Variants in ARHGAP28 observed in about 807,000 individuals in gnomAD.
ARHGAP28 encodes the protein Rho GTPase activating protein 28.
ARHGAP28 carries 56 observed loss-of-function variants against 90.7 expected under a neutral mutation model. The ratio of observed to expected loss-of-function variants is 0.62; its 90% CI spans 0.50 to 0.77. The LOEUF (loss-of-function observed/expected upper bound fraction) is 0.77, where lower values mean the gene tolerates loss of function less well. ARHGAP28 is among the 30% of genes least tolerant of loss of function. The probability of loss-of-function intolerance (pLI) is 0.00; values close to 1 mark genes in which losing one functional copy is unlikely to be tolerated. For synonymous variants in ARHGAP28, 308 were observed against 323.3 expected (o/e 0.95, Z 0.51); for missense variants, 869 against 900.9 (o/e 0.96, Z 0.45).
Position 6,870,672 on chromosome 18 carries a change from G to A in ARHGAP28, c.894G>A (p.Glu298=), listed in dbSNP as rs145725626. 51 of 1,612,128 alleles carry A rather than the reference G, an allele frequency of 3.2e-5. 1 individual carries two copies. The African/African-American group carries it at 4.5e-4, about 14-fold the overall frequency. ...TGTCTTATTCAGAAATGGTTACGGA[G>A]GCTCTAAAAAGAAATAAACTTAAGA... is the stretch of plus-strand genomic sequence containing the variant. ...FEVSYSEMVT[E]ALKRNKLKKS... The change falls in exon 7 of 18, where the codon GAG becomes GAA. Residue 298 remains glutamate, a synonymous_variant. Coordinates refer to ENST00000383472, the MANE Select transcript of ARHGAP28 (RefSeq NM_001366230.1).
chr18:6,826,683 C>CTTTTTTTTTTTT (rs36069648), intron 2 of ARHGAP28, among the ~76,000 whole-genome samples: 11 of 88,262 alleles, frequency 1.2e-4, no homozygotes, highest in East Asian at 3.8e-4. Flanking sequence ...GGATTTTGAG[C>CTTTTTTTTTTTT]TTTTTTTTTT....
At chr18:6,767,409 A>G (rs1204972583) in intron 1 of ARHGAP28, among the ~76,000 whole-genome samples, 1 of 152,094 alleles carries the variant, frequency 6.6e-6, no homozygotes, top group African/African-American at 2.4e-5. Flanking sequence ...GCAATTCCCC[A>G]CATTTTTATT....
chr18:6,905,747 G>A (rs780689227), intron 16 of ARHGAP28, among the ~76,000 whole-genome samples: 2 of 152,126 alleles, frequency 1.3e-5, no homozygotes, highest in Non-Finnish European at 2.9e-5. Flanking sequence ...ATTGGAACAT[G>A]TGGAAACCAA....
chr18:6,822,154 A>G (rs1291090083), intron 1 of ARHGAP28, among the ~76,000 whole-genome samples: 4 of 152,188 alleles, frequency 2.6e-5, no homozygotes, highest in Admixed American at 2.6e-4. Flanking sequence ...TTTGCTTTAT[A>G]CAATTGTATA....
At chr18:6,780,315 AAACT>A (rs1462677184) in intron 1 of ARHGAP28, among the ~76,000 whole-genome samples, 1 of 152,226 alleles carries the variant, frequency 6.6e-6, no homozygotes, top group Non-Finnish European at 1.5e-5. Context: ...AAAACAATAA[AAACT>A]AACTACGACA....
chr18:6,841,212 T>TCTC (rs2056823130), intron 3 of ARHGAP28, among the ~76,000 whole-genome samples: 2 of 104,646 alleles, frequency 1.9e-5, no homozygotes, highest in Non-Finnish European at 1.9e-5. Context: ...TCCTCTCCTC[T>TCTC]CTCTCTCTCT....
intron 5 of ARHGAP28, among the ~76,000 whole-genome samples, chr18:6,860,427 C>G (rs1170865726): frequency 6.6e-6 from 1 of 152,116 alleles, no homozygotes; most frequent in African/African-American, 2.4e-5. Context: ...TTGTCATTCC[C>G]CCTCCCGTCA....
At chr18:6,778,375 G>A (rs1600174846) in intron 1 of ARHGAP28, among the ~76,000 whole-genome samples, 1 of 152,248 alleles carries the variant, frequency 6.6e-6, no homozygotes, top group Middle Eastern at 3.4e-3. Flanking sequence ...CTCTTGTGGT[G>A]CCCTCTTTCA....
Position 6,878,590 on chromosome 18 carries a change from T to C in ARHGAP28, c.1290+2382T>C, listed in dbSNP as rs533992370. Among the ~76,000 whole-genome samples the C allele has an allele frequency of 9.2e-5, 14 of 152,296 alleles. No homozygotes were observed. In the East Asian group the frequency reaches 2.3e-3, roughly 25 times the overall value. Reference sequence around the variant, plus strand: ...GGCTAATCTTCCACTGAAAAATGCTTCTCAAAGGCTAATCGTTCCTTCAGA... The same window carrying C: ...GGCTAATCTTCCACTGAAAAATGCTCCTCAAAGGCTAATCGTTCCTTCAGA... On this transcript the variant is annotated intron_variant, in intron 10 of 17. Transcript: ENST00000383472.
intron 5 of ARHGAP28, among the ~76,000 whole-genome samples, chr18:6,865,375 G>C (rs941452614): frequency 6.6e-6 from 1 of 152,140 alleles, no homozygotes. Context: ...AAAATGCATT[G>C]CATATTTGTC....
At chr18:6,789,415 AAATAAAAT>A (rs2143542983) in intron 1 of ARHGAP28, 1 of 152,306 alleles carries the variant, frequency 6.6e-6, no homozygotes, top group East Asian at 1.9e-4. Context: ...CTACTAAAAA[AAATAAAAT>A]AATTAGCCAG....
Position 6,840,656 on chromosome 18 carries a change from G to A in ARHGAP28, c.543+3242G>A, listed in dbSNP as rs569632937. On this transcript the variant is annotated intron_variant, in intron 3 of 17. Transcript: ENST00000383472. ...GGAATGGCCCAGGGTTCTTCCTTCCGTCTGCCTTCCTCTCTTTCCTCCCAG... is the reference window on the plus strand; with the variant it reads ...GGAATGGCCCAGGGTTCTTCCTTCCATCTGCCTTCCTCTCTTTCCTCCCAG... Among the ~76,000 whole-genome samples the A allele has an allele frequency of 6.4e-4, 98 of 152,212 alleles. 1 individual carries two copies. Among genetic ancestry groups the A allele is most frequent in the African/African-American group, 1.6e-3 (68 of 41,542 alleles).
intron 1 of ARHGAP28, among the ~76,000 whole-genome samples, chr18:6,816,042 C>T (rs188861721): frequency 6.6e-6 from 1 of 152,242 alleles, no homozygotes; most frequent in Admixed American, 6.5e-5. Context: ...GAGGTTCAGG[C>T]AGATCTATTT....
chr18:6,752,332 T>A lies in ARHGAP28; in HGVS notation c.122+22389T>A, dbSNP rs374023655. Reference sequence around the variant, plus strand: ...TTTCTGGAGCTGTTTCAACAGAATGTGAGCATTATTATAAATTATTGGGAA... The same window carrying A: ...TTTCTGGAGCTGTTTCAACAGAATGAGAGCATTATTATAAATTATTGGGAA... On this transcript the variant is annotated intron_variant, in intron 1 of 17. Coordinates refer to ENST00000383472, the MANE Select transcript of ARHGAP28 (RefSeq NM_001366230.1). Among the ~76,000 whole-genome samples the A allele has an allele frequency of 7.9e-4, 121 of 152,330 alleles. 2 individuals carry two copies. In the South Asian group the frequency reaches 0.025, roughly 32 times the overall value.
At chr18:6,745,577 A>G (rs1029502813) in intron 1 of ARHGAP28, among the ~76,000 whole-genome samples, 2 of 152,190 alleles carry the variant, frequency 1.3e-5, no homozygotes, top group Non-Finnish European at 2.9e-5. Flanking sequence ...ACCATCCAAA[A>G]CAAGATATAT....
intron 1 of ARHGAP28, among the ~76,000 whole-genome samples, chr18:6,787,041 G>A (rs1219258626): frequency 6.6e-6 from 1 of 151,890 alleles, no homozygotes; most frequent in Non-Finnish European, 1.5e-5. Context: ...CCAACATGGT[G>A]AAACCCCGTC....
At chr18:6,814,211 G>A (rs530722012) in intron 1 of ARHGAP28, among the ~76,000 whole-genome samples, 6 of 152,226 alleles carry the variant, frequency 3.9e-5, no homozygotes, top group South Asian at 2.1e-4. Flanking sequence ...GACTTTGTAC[G>A]GAATAGTTTG....
intron 1 of ARHGAP28, among the ~76,000 whole-genome samples, chr18:6,751,064 G>A (rs2056065032): frequency 6.6e-6 from 1 of 152,012 alleles, no homozygotes; most frequent in African/African-American, 2.4e-5. Flanking sequence ...GCAGAAGTCA[G>A]GGTTTATCTT....
At chr18:6,771,420 G>A (rs1406899642) in intron 1 of ARHGAP28, among the ~76,000 whole-genome samples, 2 of 152,086 alleles carry the variant, frequency 1.3e-5, no homozygotes, top group East Asian at 3.9e-4. Flanking sequence ...CTAAAATGTG[G>A]GAGCCAAGAG....
Sources: gnomAD v4.1 joint callset for allele counts (sites outside exome capture counted in the v4.1 genomes callset) on GRCh38, gnomAD v4.1.1 for gene constraint, MANE v1.5 for transcripts, NCBI Gene and HGNC (gene_info 2026-07-23, HGNC 2026-07-21) for gene names.